UPK1B: variants seen among roughly 807,000 people sequenced by gnomAD.
The protein encoded by UPK1B is uroplakin-1b.
In UPK1B, 28 loss-of-function variants were observed where a neutral mutation model predicts 34.2. That is an observed-to-expected ratio of 0.82 (90% CI 0.61 to 1.12). The LOEUF is 1.12. UPK1B is among the 50% of genes most tolerant of loss of function. The pLI is 0.00. For synonymous variants in UPK1B, 81 were observed against 110.4 expected (o/e 0.73, Z 1.67); for missense variants, 325 against 320.9 (o/e 1.01, Z -0.10).
At chr3:119,194,175 T>C in intron 5 of UPK1B, 44 bp from the exon 6 acceptor site, 4 of 1,600,146 alleles carry the variant, frequency 2.5e-6, no homozygotes, top group African/African-American at 1.3e-5. Context: ...ATGGCTCTAG[T>C]AGGGACCACG....
Position 119,193,311 on chromosome 3 carries a change from C to T in UPK1B, c.469-908C>T, listed in dbSNP as rs544969550. Among the ~76,000 whole-genome samples, 8 of 152,312 alleles carry T rather than the reference C, an allele frequency of 5.3e-5. No homozygotes were observed. The South Asian group carries it at 1.7e-3, about 32-fold the overall frequency. On this transcript the variant is annotated intron_variant, in intron 5 of 7. Transcript: ENST00000264234. ...TTATTTTTCTTGGTTAGATATTTCC[C>T]ATAACATAGTGACAAAATTGTATAT...
intron 2 of UPK1B, 55 bp downstream of exon 2, chr3:119,186,865 G>C: frequency 6.4e-7 from 1 of 1,568,992 alleles, no homozygotes; most frequent in Non-Finnish European, 8.8e-7. Flanking sequence ...CATAATTCTA[G>C]ATGAATCAAA....
intron 1 of UPK1B, among the ~76,000 whole-genome samples, chr3:119,175,007 ATTTTCT>A (rs2077948047): frequency 5.0e-5 from 2 of 39,732 alleles, no homozygotes; most frequent in African/African-American, 1.6e-4. Flanking sequence ...TTTTTCTTTT[ATTTTCT>A]TTTTTTTTTT....
chr3:119,174,414 T>G (rs2077943000), intron 1 of UPK1B, among the ~76,000 whole-genome samples: 1 of 152,246 alleles, frequency 6.6e-6, no homozygotes, highest in Non-Finnish European at 1.5e-5. Context: ...CATTTGTTTA[T>G]AAACCTAAAA....
At chr3:119,189,409 G>A (rs1320630048) in intron 3 of UPK1B, among the ~76,000 whole-genome samples, 1 of 152,246 alleles carries the variant, frequency 6.6e-6, no homozygotes, top group Non-Finnish European at 1.5e-5. Flanking sequence ...TCCCAAGAGT[G>A]TGTGCAAGCC....
chr3:119,184,899 C>T (rs1280327380), intron 1 of UPK1B, among the ~76,000 whole-genome samples: 1 of 152,170 alleles, frequency 6.6e-6, no homozygotes, highest in East Asian at 1.9e-4. Context: ...AGTCTATTTA[C>T]TTTTGTCTCT....
At chr3:119,196,535 CTTT>C (rs34406185) in intron 6 of UPK1B, among the ~76,000 whole-genome samples, 9 of 107,146 alleles carry the variant, frequency 8.4e-5, no homozygotes, top group Admixed American at 2.0e-4. Context: ...TTTTCTTTTT[CTTT>C]TTTTTTTTTT....
chr3:119,198,944 G>C, intron 6 of UPK1B, 113 bp from the exon 7 acceptor site: 1 of 1,183,784 alleles, frequency 8.4e-7, no homozygotes, highest in Non-Finnish European at 1.2e-6. Flanking sequence ...GCCTGGATAT[G>C]TGAAATCAGA....
In UPK1B at chr3:119,194,362, T is replaced by C; in HGVS notation, c.612T>C (p.Ala204=). ...NNLKEPLNLE[A]CKLGVPGFYH... is the part of the protein sequence containing the mutation. ...TTAAAGAACCTCTCAACCTGGAGGC[T>C]TGTAAACTAGGCGTGCCTGGTTTTT... The change falls in exon 6 of 8, where the codon GCT becomes GCC. Residue 204 remains alanine (A), a synonymous_variant. Coordinates refer to ENST00000264234, the MANE Select transcript of UPK1B (RefSeq NM_006952.4). The C allele has an allele frequency of 6.2e-7, 1 of 1,613,490 alleles. No individual in the cohort carries two copies.
chr3:119,180,690 A>G (rs921643550), intron 1 of UPK1B, among the ~76,000 whole-genome samples: 1 of 148,884 alleles, frequency 6.7e-6, no homozygotes, highest in Non-Finnish European at 1.5e-5. Context: ...TTTTTTAAAT[A>G]TCCATTAGTG....
In UPK1B at chr3:119,204,147, C is replaced by T. The variant is rs1335122624; in HGVS notation, c.*180C>T. 1.6e-6 allele frequency: 1 copy of T among 616,094 alleles called. No homozygotes were observed. Among genetic ancestry groups the T allele is most frequent in the Admixed American group, 3.0e-5 (1 of 33,710 alleles). 38.2% of individuals were successfully genotyped at this position (616,094 alleles called of 1,614,324 possible). On this transcript the variant is annotated 3_prime_UTR_variant, in exon 8 of 8. Coordinates refer to ENST00000264234, the MANE Select transcript of UPK1B (RefSeq NM_006952.4). Reference sequence around the variant, plus strand: ...GCTTCTGCAGTTCTCATGACTCCTACTTTTCATCCTAGTCTAGCATTCTGC... The same window carrying T: ...GCTTCTGCAGTTCTCATGACTCCTATTTTTCATCCTAGTCTAGCATTCTGC...
intron 6 of UPK1B, among the ~76,000 whole-genome samples, chr3:119,196,944 A>C (rs114224978): frequency 0.055 from 8,324 of 152,100 alleles, 300 homozygotes; most frequent in South Asian, 0.12. Flanking sequence ...CCTGGGCTCG[A>C]GTGATCCTCC....
At chr3:119,196,580 G>A (rs553541231) in intron 6 of UPK1B, among the ~76,000 whole-genome samples, 10 of 130,202 alleles carry the variant, frequency 7.7e-5, no homozygotes, top group South Asian at 5.0e-4. Context: ...TCACTCTGTC[G>A]CCAGGCTGGA....
chr3:119,196,042 C>T (rs1394935859), intron 6 of UPK1B, among the ~76,000 whole-genome samples: 1 of 152,094 alleles, frequency 6.6e-6, no homozygotes, highest in Non-Finnish European at 1.5e-5. Flanking sequence ...ACTCCACCTC[C>T]ACTACCTACC....
At chr3:119,190,911 G>T (rs573361289) in intron 4 of UPK1B, 71 bp from the exon 5 acceptor site, 3 of 1,590,378 alleles carry the variant, frequency 1.9e-6, no homozygotes, top group Non-Finnish European at 2.6e-6. Flanking sequence ...AAAAGACAGA[G>T]AAAAATATTT....
At chr3:119,182,883 G>A (rs898043439) in intron 1 of UPK1B, among the ~76,000 whole-genome samples, 8 of 152,184 alleles carry the variant, frequency 5.3e-5, no homozygotes, top group African/African-American at 1.9e-4. Context: ...GGGGGTAGGT[G>A]GATGAGCTGT....
chr3:119,203,803 CAAAAA>C (rs55795433), intron 7 of UPK1B, 109 bp from the exon 8 acceptor site: 2 of 1,083,800 alleles, frequency 1.8e-6, no homozygotes, highest in Non-Finnish European at 1.4e-6. Context: ...AACAAACAAA[CAAAAA>C]AATCTGTTGT....
intron 1 of UPK1B, among the ~76,000 whole-genome samples, chr3:119,184,365 C>T (rs1413132268): frequency 2.0e-5 from 3 of 152,164 alleles, no homozygotes; most frequent in Non-Finnish European, 2.9e-5. Context: ...CTCCACAGCC[C>T]TCCTTGTCCC....
intron 6 of UPK1B, among the ~76,000 whole-genome samples, 182 bp from the exon 7 acceptor site, chr3:119,198,875 T>C (rs373912109): frequency 2.0e-4 from 31 of 152,230 alleles, no homozygotes; most frequent in African/African-American, 7.2e-4. Context: ...AACAGTATTG[T>C]TTATGTTCCC....
Sources: gnomAD v4.1 joint callset for allele counts (sites outside exome capture counted in the v4.1 genomes callset) on GRCh38, gnomAD v4.1.1 for gene constraint, MANE v1.5 for transcripts, NCBI Gene and HGNC (gene_info 2026-07-23, HGNC 2026-07-21) for gene names.